RANBP17: variants seen among roughly 807,000 people sequenced by gnomAD.
RANBP17 encodes ran-binding protein 17.
RANBP17 carries 158 observed loss-of-function variants against 141.2 expected under a neutral mutation model. The ratio of observed to expected loss-of-function variants is 1.12; its 90% confidence interval spans 0.98 to 1.28. The LOEUF is 1.28. RANBP17 is among the 50% of genes most tolerant of loss of function. The pLI is 0.00. For missense variants in RANBP17, 1,438 were observed against 1,290.7 expected (o/e 1.11, Z -1.75); for synonymous variants, 430 against 450.0 (o/e 0.96, Z 0.56).
chr5:171,195,462 C>G (rs1201286806), intron 18 of RANBP17, among the ~76,000 whole-genome samples: 1 of 152,172 alleles, frequency 6.6e-6, no homozygotes, highest in Non-Finnish European at 1.5e-5. Context: ...TTTCACGTTG[C>G]AATCACAGGA....
At chr5:170,924,226 C>A (rs1581157706) in intron 11 of RANBP17, 131 bp from the exon 12 acceptor site, 3 of 567,924 alleles carry the variant, frequency 5.3e-6, no homozygotes, top group East Asian at 5.8e-5. Context: ...AACTCCTGGC[C>A]CCAAGTGAAC....
At chr5:170,990,101 A>G (rs1778402519) in intron 14 of RANBP17, among the ~76,000 whole-genome samples, 1 of 151,844 alleles carries the variant, frequency 6.6e-6, no homozygotes, top group Non-Finnish European at 1.5e-5. Context: ...TTCAGATGAT[A>G]CTTTTAAGCA....
At chr5:170,960,375 G>A (rs1776043096) in intron 13 of RANBP17, among the ~76,000 whole-genome samples, 1 of 152,158 alleles carries the variant, frequency 6.6e-6, no homozygotes, top group African/African-American at 2.4e-5. Context: ...TCACTGGGAT[G>A]TTGTATCCCA....
At chr5:170,878,361 T>A in intron 2 of RANBP17, 118 bp downstream of exon 2, 1 of 866,356 alleles carries the variant, frequency 1.2e-6, no homozygotes, top group Non-Finnish European at 1.6e-6. Context: ...TTTTTGTTTT[T>A]GTGAAACTAT....
At chr5:171,142,692 T>C (rs1473524373) in intron 14 of RANBP17, among the ~76,000 whole-genome samples, 2 of 152,204 alleles carry the variant, frequency 1.3e-5, no homozygotes, top group Non-Finnish European at 2.9e-5. Context: ...TAGCATTCAA[T>C]AAGGAATGAA....
chr5:171,014,470 T>C (rs1179113596), intron 14 of RANBP17, among the ~76,000 whole-genome samples: 1 of 152,056 alleles, frequency 6.6e-6, no homozygotes, highest in Non-Finnish European at 1.5e-5. Context: ...ATTATTTTGT[T>C]AGTTATGCTT....
intron 14 of RANBP17, among the ~76,000 whole-genome samples, chr5:171,099,867 G>T (rs1787010328): frequency 1.3e-5 from 2 of 152,118 alleles, no homozygotes; most frequent in South Asian, 4.1e-4. Flanking sequence ...TAATCATGTG[G>T]TTTTTGTCAT....
At chr5:171,154,031 AAAAT>A (rs949511099) in intron 14 of RANBP17, among the ~76,000 whole-genome samples, 1 of 151,958 alleles carries the variant, frequency 6.6e-6, no homozygotes, top group African/African-American at 2.4e-5. Context: ...CCATCTCAAA[AAAAT>A]AAATAAATAA....
Position 170,862,048 on chromosome 5 carries a change from C to G in RANBP17, c.15C>G (p.Phe5Leu). 6.8e-7 allele frequency: 1 copy of G among 1,464,028 alleles called. No individual in the cohort carries two copies. The highest frequency in any genetic ancestry group is 9.0e-7 in the Non-Finnish European group (1 of 1,115,054). 90.7% of individuals were successfully genotyped at this position (1,464,028 alleles called of 1,614,324 possible). ...CTCCTGGGAAGATGGCGCTGCACTT[C>G]CAGGTCAGTGTGCTCTGCGCCGCGG... The part of the protein sequence containing the change: MALH[F>L]QSLAELEVLC... The change falls in exon 1 of 28, where the codon TTC (phenylalanine) becomes TTG (leucine). Residue 5 changes from phenylalanine (F) to leucine (L), a missense_variant. Transcript: ENST00000523189.
At chr5:171,204,587 C>CG (rs937963218) in intron 19 of RANBP17, among the ~76,000 whole-genome samples, 3 of 152,058 alleles carry the variant, frequency 2.0e-5, no homozygotes, top group African/African-American at 7.2e-5. Context: ...ATCGCACCCC[C>CG]TTGTTTTGTA....
At chr5:170,968,649 T>C in intron 14 of RANBP17, 1 of 507,098 alleles carries the variant, frequency 2.0e-6, no homozygotes, top group Non-Finnish European at 3.8e-6. Flanking sequence ...ACTAATCAAT[T>C]TTGCCTTATT....
At chr5:171,078,155 A>T (rs1785056604) in intron 14 of RANBP17, among the ~76,000 whole-genome samples, 2 of 138,220 alleles carry the variant, frequency 1.4e-5, no homozygotes, top group Non-Finnish European at 1.5e-5. Flanking sequence ...TTTTTTTGAG[A>T]CTGAGTCTCA....
At chr5:171,147,911 G>A (rs972689144) in intron 14 of RANBP17, among the ~76,000 whole-genome samples, 6 of 152,290 alleles carry the variant, frequency 3.9e-5, no homozygotes, top group Non-Finnish European at 7.4e-5. Flanking sequence ...CATTGAGAAC[G>A]GGCCATGATG....
At chr5:171,015,892 C>G (rs981831029) in intron 14 of RANBP17, among the ~76,000 whole-genome samples, 2 of 152,076 alleles carry the variant, frequency 1.3e-5, no homozygotes, top group African/African-American at 4.8e-5. Flanking sequence ...TGTATGAACC[C>G]TAGATACTAT....
chr5:171,090,968 G>A (rs558345112), intron 14 of RANBP17, among the ~76,000 whole-genome samples: 1 of 152,320 alleles, frequency 6.6e-6, no homozygotes, highest in South Asian at 2.1e-4. Flanking sequence ...CTCTGCTAGG[G>A]CAGTGCAGAA....
At chr5:171,262,749 C>T (rs1766417994) in intron 24 of RANBP17, among the ~76,000 whole-genome samples, 1 of 152,178 alleles carries the variant, frequency 6.6e-6, no homozygotes. Flanking sequence ...TTCCTCTTAT[C>T]TGGCTATACT....
chr5:171,077,600 C>G (rs1321490605), intron 14 of RANBP17, among the ~76,000 whole-genome samples: 1 of 152,086 alleles, frequency 6.6e-6, no homozygotes, highest in Non-Finnish European at 1.5e-5. Context: ...AAACTAATAA[C>G]TGTGGTTTCT....
At chr5:170,892,764 A>G (rs954403908) in intron 4 of RANBP17, among the ~76,000 whole-genome samples, 6 of 152,204 alleles carry the variant, frequency 3.9e-5, no homozygotes, top group African/African-American at 1.4e-4. Flanking sequence ...AATGTAAATA[A>G]TCATGTTTTC....
intron 19 of RANBP17, among the ~76,000 whole-genome samples, chr5:171,204,752 T>C (rs997474178): frequency 6.6e-6 from 1 of 152,190 alleles, no homozygotes; most frequent in African/African-American, 2.4e-5. Flanking sequence ...TTGTTTTTTT[T>C]CTCTAAAACT....
Sources: allele counts gnomAD v4.1 joint callset (sites outside exome capture counted in the v4.1 genomes callset), GRCh38; gene constraint gnomAD v4.1.1; transcripts MANE v1.5; gene names NCBI Gene and HGNC (gene_info 2026-07-23, HGNC 2026-07-21).